The following MED13 variants were observed in gnomAD, a reference collection of about 807,000 sequenced individuals.
The protein encoded by MED13 is mediator of RNA polymerase II transcription subunit 13.
MED13 carries 23 observed loss-of-function variants against 225.2 expected under a neutral mutation model. That is an observed-to-expected ratio of 0.10 (90% CI 0.07 to 0.14). The LOEUF is 0.14. Among genes scored for constraint, MED13 ranks in the 10% least tolerant of loss-of-function variants. The pLI, the probability that MED13 is intolerant of heterozygous loss-of-function variation, is 1.00. For missense variants in MED13, 2,197 were observed against 2,594.5 expected (o/e 0.85, Z 3.33); for synonymous variants, 942 against 889.2 (o/e 1.06, Z -1.06).
At position 62,008,469 on chromosome 17, in the gene MED13, T is replaced by C. The variant is rs146485258; in HGVS notation, c.1967+2081A>G. ...TAAAAGCCTCACAGAAGAGATCGCG[T>C]TTTTTTAAATGAGCAAGAATGAAAC... On this transcript the variant is annotated intron_variant, in intron 9 of 29. Transcript: ENST00000397786. Among the ~76,000 whole-genome samples, 762 of 152,044 alleles carry C rather than the reference T, an allele frequency of 5.0e-3. 6 individuals are homozygous for C. Among genetic ancestry groups the C allele is most frequent in the South Asian group, 8.3e-3 (40 of 4,822 alleles).
chr17:61,961,656 T>A lies in MED13; in HGVS notation c.5188A>T (p.Thr1730Ser). 6.2e-7 allele frequency: 1 copy of A among 1,614,072 alleles called. No homozygotes were observed. The highest frequency in any genetic ancestry group is 8.5e-7 in the Non-Finnish European group (1 of 1,180,012). ...AAGCCAGTCAATGTTTTCACATTGG[T>A]TGATGTTGGAAGTGGCCTCCGACAC... ...TQCRRPLPTSTNVKTLTGFGP... is the reference protein window; with the variant it reads ...TQCRRPLPTSSNVKTLTGFGP... Residue 1730 changes from threonine to serine, a missense_variant, in exon 22 of 30, where the codon ACC (threonine) becomes TCC (serine). By Grantham distance (58) the Thr-to-Ser change is moderately conservative. This residue lies in a region of MED13 where 457 missense variants were observed against 442.2 expected (regional missense o/e 1.03). Coordinates refer to ENST00000397786, the MANE Select transcript of MED13 (RefSeq NM_005121.3).
At position 61,965,091 on chromosome 17, in the gene MED13, G is replaced by T. The variant is rs1314484030; in HGVS notation, c.4759C>A (p.Gln1587Lys). The T allele has an allele frequency of 6.2e-7, 1 of 1,614,044 alleles. No homozygotes were observed. The highest frequency in any genetic ancestry group is 1.6e-4 in the Middle Eastern group (1 of 6,084). Residue 1587 changes from glutamine to lysine, a missense_variant, in exon 20 of 30, where the codon CAA (glutamine) becomes AAA (lysine). Coordinates refer to ENST00000397786, the MANE Select transcript of MED13 (RefSeq NM_005121.3). ...NTVQSGQLGG[Q>K]QTSALQTAGI... ...GCTGTCTGTAGAGCTGATGTCTGTT[G>T]CCCTCCTAGCTGACCACTCTGAACT... is the stretch of plus-strand genomic sequence containing the variant.
At chr17:62,055,940 A>G (rs1224359585) in intron 2 of MED13, among the ~76,000 whole-genome samples, 1 of 152,220 alleles carries the variant, frequency 6.6e-6, no homozygotes, top group Non-Finnish European at 1.5e-5. Flanking sequence ...CCCAGTGCCC[A>G]CAATTCTCAT....
rs1407060346 is a variant in MED13, at chr17:61,945,058, T to C, written c.*1410A>G. ...CCCTACCTTAATCTGAGCTGTGTTA[T>C]AGAAAAGTACAGACTCTGGTGTTTG... On this transcript the variant is annotated 3_prime_UTR_variant, in exon 30 of 30. Coordinates refer to ENST00000397786, the MANE Select transcript of MED13 (RefSeq NM_005121.3). The C allele has an allele frequency of 6.6e-6, 1 of 152,566 alleles. No homozygotes were observed. The highest frequency in any genetic ancestry group is 2.4e-5 in the African/African-American group (1 of 41,418). The allele number at this position is 152,566 out of a possible 1,614,324, so 9.5% of individuals were successfully genotyped here.
Position 62,002,480 on chromosome 17 carries a change from A to G in MED13, c.1968-7115T>C, listed in dbSNP as rs1273633659. 3.4e-5 allele frequency among the ~76,000 whole-genome samples: 4 copies of G among 118,362 alleles called. No individual in the cohort carries two copies. The East Asian group carries it at 9.5e-4, about 28-fold the overall frequency. The allele number at this position is 118,362 out of a possible 152,430, so 77.7% of individuals were successfully genotyped here. A position where few individuals can be genotyped will look rare whatever the true frequency, so the allele number is the denominator to read the frequency against. On this transcript the variant is annotated intron_variant, in intron 9 of 29. Coordinates refer to ENST00000397786, the MANE Select transcript of MED13 (RefSeq NM_005121.3). ...CTCCAGCCCGGGCAACAAAAGCAAAACTCCATCTCAAAAAAAAAAAAAAAA... is the reference window on the plus strand; with the variant it reads ...CTCCAGCCCGGGCAACAAAAGCAAAGCTCCATCTCAAAAAAAAAAAAAAAA...
intron 8 of MED13, among the ~76,000 whole-genome samples, chr17:62,015,886 T>TACACACAC (rs1174840455): frequency 1.1e-5 from 1 of 93,346 alleles, no homozygotes; most frequent in East Asian, 3.8e-4. Context: ...TGTATATATA[T>TACACACAC]ACACACACAC....
At chr17:62,018,378 T>G (rs1056934857) in intron 8 of MED13, among the ~76,000 whole-genome samples, 2 of 152,186 alleles carry the variant, frequency 1.3e-5, no homozygotes, top group African/African-American at 2.4e-5. Flanking sequence ...ACGTAACACA[T>G]TGTATTAGGT....
At chr17:62,023,795 T>G (rs998523082) in intron 8 of MED13, among the ~76,000 whole-genome samples, 1 of 152,216 alleles carries the variant, frequency 6.6e-6, no homozygotes, top group Non-Finnish European at 1.5e-5. Context: ...AGTAGCTCAC[T>G]GTCTATCTGT....
At chr17:62,064,873 G>C (rs2081068911) in intron 1 of MED13, among the ~76,000 whole-genome samples, 1 of 152,218 alleles carries the variant, frequency 6.6e-6, no homozygotes, top group African/African-American at 2.4e-5. Context: ...CAGATAAGGA[G>C]CTCAAGTTGA....
At chr17:61,965,666 T>C (rs754303505) in intron 19 of MED13, among the ~76,000 whole-genome samples, 198 bp from the exon 20 acceptor site, 4 of 152,138 alleles carry the variant, frequency 2.6e-5, no homozygotes, top group African/African-American at 9.7e-5. Context: ...TAAAATGGAA[T>C]TGAAAAAGCC....
In MED13 at chr17:61,982,370, A is replaced by G. The variant is rs1349791331; in HGVS notation, c.3633T>C (p.Phe1211=). 1.9e-6 allele frequency: 3 copies of G among 1,614,204 alleles called. No individual in the cohort carries two copies. Among genetic ancestry groups the G allele is most frequent in the Admixed American group, 1.7e-5 (1 of 60,022 alleles). ...AATTGCTAATTACACCACTTTTAGG[A>G]AAAGGATCTTGGTCTGCTGCTCCAA... ...SPFGAADQDP[F]PKSGVISNWV... Residue 1211 remains phenylalanine (F), a synonymous_variant, in exon 16 of 30, where the codon TTT becomes TTC. Coordinates refer to ENST00000397786, the MANE Select transcript of MED13 (RefSeq NM_005121.3).
chr17:62,033,528 C>T (rs977774099), intron 5 of MED13, among the ~76,000 whole-genome samples: 1 of 152,120 alleles, frequency 6.6e-6, no homozygotes, highest in African/African-American at 2.4e-5. Flanking sequence ...AGGTTCAGTC[C>T]CTATTATTCT....
At chr17:62,017,219 TAAAAA>T (rs555881211) in intron 8 of MED13, among the ~76,000 whole-genome samples, 1 of 84,244 alleles carries the variant, frequency 1.2e-5, no homozygotes. Context: ...ACTAAAATGC[TAAAAA>T]AAAAAAAAAA....
chr17:62,058,538 A>AAAAAG (rs2081013539), intron 2 of MED13, among the ~76,000 whole-genome samples: 1 of 150,910 alleles, frequency 6.6e-6, no homozygotes, highest in African/African-American at 2.4e-5. Context: ...AAAAAAAAAA[A>AAAAAG]AAAAGAAAGA....
chr17:62,007,255 A>G (rs2143571609), intron 9 of MED13: 1 of 152,294 alleles, frequency 6.6e-6, no homozygotes, highest in Middle Eastern at 3.4e-3. Flanking sequence ...ACAAAAAAAC[A>G]AAAAACAACC....
At chr17:62,062,202 A>T (rs909618147) in intron 2 of MED13, among the ~76,000 whole-genome samples, 2 of 152,196 alleles carry the variant, frequency 1.3e-5, no homozygotes, top group East Asian at 3.8e-4. Context: ...TATCTTACTG[A>T]AGTCTTTGGA....
intron 2 of MED13, 98 bp from the exon 3 acceptor site, chr17:62,052,803 C>A (rs965702533): frequency 1.6e-5 from 12 of 740,574 alleles, no homozygotes; most frequent in Non-Finnish European, 2.2e-5. Flanking sequence ...TTCATCAACA[C>A]TAGCTTACCC....
At chr17:61,992,728 T>C (rs1295955192) in intron 10 of MED13, 107 bp from the exon 11 acceptor site, 34 of 720,704 alleles carry the variant, frequency 4.7e-5, no homozygotes, top group Non-Finnish European at 7.0e-5. Context: ...GTGTTTAACA[T>C]ACATTATCAC....
intron 23 of MED13, 45 bp from the exon 24 acceptor site, chr17:61,956,526 A>G (rs914616959): frequency 6.4e-6 from 10 of 1,562,008 alleles, no homozygotes; most frequent in East Asian, 2.3e-5. Context: ...TCTAAAATTT[A>G]TATGATTTTG....
Sources: allele counts gnomAD v4.1 joint callset (sites outside exome capture counted in the v4.1 genomes callset), GRCh38; gene constraint gnomAD v4.1.1; regional missense constraint gnomAD v4.1.1; transcripts MANE v1.5; gene names NCBI Gene and HGNC (gene_info 2026-07-23, HGNC 2026-07-21).